Variants in MIB2 observed in about 807,000 individuals in gnomAD.
MIB2 encodes the protein MIB E3 ubiquitin protein ligase 2.
A neutral mutation model predicts 96.6 loss-of-function variants in MIB2; 78 were observed. That is an observed-to-expected ratio of 0.81 (90% confidence interval 0.67 to 0.97). MIB2 has a LOEUF of 0.97. Among genes scored for constraint, MIB2 ranks in the 50% least tolerant of loss-of-function variants. The pLI is 0.00. For synonymous variants in MIB2, 820 were observed against 629.5 expected (o/e 1.30, Z -4.53); for missense variants, 1,543 against 1,424.0 (o/e 1.08, Z -1.35).
intron 12 of MIB2, 97 bp downstream of exon 12, chr1:1,627,541 C>T: frequency 6.8e-7 from 1 of 1,478,448 alleles, no homozygotes; most frequent in African/African-American, 1.4e-5. Context: ...GCCTGTGCGT[C>T]CTGGGGTGAG....
At chr1:1,623,078 A>T (rs531115376) in intron 2 of MIB2, 2 of 414,294 alleles carry the variant, frequency 4.8e-6, no homozygotes, top group East Asian at 9.0e-5. Context: ...AGTGAAGTCC[A>T]GTGTCCAGCT....
At chr1:1,615,283 TC>T (rs1414340124), upstream of MIB2, 1 of 1,309,872 alleles carries the variant, frequency 7.6e-7, no homozygotes, top group South Asian at 1.7e-5. Context: ...GCGACGTCGC[TC>T]CCAAGCCCCC....
rs772788906 is a variant in MIB2 at position 1,627,410 on chromosome 1, G to T, written c.1489G>T (p.Glu497Ter). ...GGCGGGCGTGGACCTGCCGGACGAC[G>T]AGGGCAACACGGCACTGCACTACGC... Reference protein sequence around the residue: ...ARAGVDLPDDEGNTALHYAAL... With the variant: ...ARAGVDLPDD The change falls in exon 12 of 20, where the codon GAG (glutamate) becomes TAG (stop). Residue 497 changes from glutamate to a stop codon, truncating the protein, a stop_gained. Coordinates refer to ENST00000355826, the MANE Select transcript of MIB2 (RefSeq NM_001170687.4). LOFTEE classifies it high-confidence loss of function. 1.2e-6 allele frequency: 2 copies of T among 1,612,856 alleles called. No homozygotes were observed. Among genetic ancestry groups the T allele is most frequent in the Non-Finnish European group, 1.7e-6 (2 of 1,179,900 alleles).
At chr1:1,623,741 G>T (rs768112651) in intron 3 of MIB2, 33 bp from the exon 4 acceptor site, 2 of 1,542,848 alleles carry the variant, frequency 1.3e-6, no homozygotes, top group Admixed American at 3.8e-5. Context: ...ACCCGGGGGC[G>T]GGAACGCCCC....
chr1:1,628,483 C>T lies in MIB2; in HGVS notation c.1969-6C>T. 1 of 1,596,216 alleles carries T rather than the reference C, an allele frequency of 6.3e-7. No homozygotes were observed. Among genetic ancestry groups the T allele is most frequent in the Non-Finnish European group, 8.5e-7 (1 of 1,175,196 alleles). On this transcript the variant is annotated splice_region_variant and splice_polypyrimidine_tract_variant and intron_variant, in intron 15 of 19. Transcript: ENST00000355826. Reference sequence around the variant, plus strand: ...CTGGGCTGAGCCCGTCCCCACCCCTCCCCAGGGCCGCTGTGACGTGAACGT... The same window carrying T: ...CTGGGCTGAGCCCGTCCCCACCCCTTCCCAGGGCCGCTGTGACGTGAACGT...
intron 2 of MIB2, among the ~76,000 whole-genome samples, chr1:1,620,970 C>T (rs1222741854): frequency 6.6e-6 from 1 of 152,252 alleles, no homozygotes; most frequent in Non-Finnish European, 1.5e-5. Flanking sequence ...CCTGGACATG[C>T]TCTGGGTGAG....
chr1:1,614,370 C>T (rs74735770), upstream of MIB2: 109 of 152,378 alleles, frequency 7.2e-4, no homozygotes, highest in African/African-American at 2.5e-3. Flanking sequence ...AGATAAGCAG[C>T]TTGCACAAGG....
intron 2 of MIB2, among the ~76,000 whole-genome samples, chr1:1,622,274 C>G (rs549244832): frequency 1.3e-5 from 2 of 152,258 alleles, no homozygotes; most frequent in Non-Finnish European, 2.9e-5. Flanking sequence ...CCCTCCCCGC[C>G]AGGCTGGAGT....
chr1:1,628,423 C>G (rs757025184), intron 15 of MIB2, 24 bp downstream of exon 15: 1 of 1,606,602 alleles, frequency 6.2e-7, no homozygotes, highest in East Asian at 2.2e-5. Context: ...CCAGTCCTGC[C>G]CAAGGACCGG....
intron 4 of MIB2, 113 bp downstream of exon 4, chr1:1,624,058 A>C: frequency 7.8e-7 from 1 of 1,290,260 alleles, no homozygotes; most frequent in South Asian, 1.5e-5. Flanking sequence ...AGACGGAGCA[A>C]GTCTCTCCAG....
chr1:1,625,082 T>C lies in MIB2; in HGVS notation c.618T>C (p.Gly206=). Residue 206 remains glycine, a synonymous_variant, in exon 6 of 20, where the codon GGT becomes GGC. Transcript: ENST00000355826. The surrounding 1 kb of genome is among the most constrained non-coding windows in gnomAD (Gnocchi z 5.0). ...RSVASVTWAD[G]TTNVYRVGHK... is the part of the protein sequence containing the mutation. ...TGGCCAGCGTGACGTGGGCTGATGG[T>C]ACCACCAATGTGTACCGTGTGGGCC... is the stretch of plus-strand genomic sequence containing the variant. 6.2e-7 allele frequency: 1 copy of C among 1,613,292 alleles called. No homozygotes were observed. Among genetic ancestry groups the C allele is most frequent in the South Asian group, 1.1e-5 (1 of 91,084 alleles).
At position 1,626,525 on chromosome 1, in the gene MIB2, G is replaced by T. The variant is rs1644779526; in HGVS notation, c.973-125G>T. On this transcript the variant is annotated intron_variant, in intron 8 of 19. Coordinates refer to ENST00000355826, the MANE Select transcript of MIB2 (RefSeq NM_001170687.4). The surrounding 1 kb of genome is among the most constrained non-coding windows in gnomAD (Gnocchi z 5.3). ...AGCCTCTGGCAGTGCCTGGGGTCGG[G>T]GTCGGGGCCGGGGCCGAGTCAGGCC... is the stretch of plus-strand genomic sequence containing the variant. 1.3e-6 allele frequency: 1 copy of T among 791,238 alleles called. No individual in the cohort carries two copies. Among genetic ancestry groups the T allele is most frequent in the African/African-American group, 1.7e-5 (1 of 57,450 alleles). 49.0% of individuals were successfully genotyped at this position (791,238 alleles called of 1,614,324 possible).
At position 1,629,113 on chromosome 1, in the gene MIB2, G is replaced by A; in HGVS notation, c.2203-20G>A. ...CCTGCCCCGGCGCCCGCCCTCACCG[G>A]CGTCTGTCCTGCCGCCCAGCTACAG... On this transcript the variant is annotated intron_variant, in intron 16 of 19. Coordinates refer to ENST00000355826, the MANE Select transcript of MIB2 (RefSeq NM_001170687.4). 6.9e-7 allele frequency: 1 copy of A among 1,442,610 alleles called. No homozygotes were observed. Among genetic ancestry groups the A allele is most frequent in the Non-Finnish European group, 9.0e-7 (1 of 1,109,362 alleles). The allele number at this position is 1,442,610 out of a possible 1,614,324, so 89.4% of individuals were successfully genotyped here.
intron 2 of MIB2, among the ~76,000 whole-genome samples, chr1:1,619,455 G>C (rs979133909): frequency 2.0e-5 from 3 of 152,254 alleles, no homozygotes; most frequent in Non-Finnish European, 4.4e-5. Flanking sequence ...CATGTGGTCT[G>C]TCTGCACACT....
intron 2 of MIB2, among the ~76,000 whole-genome samples, chr1:1,621,602 C>T (rs549012069): frequency 7.9e-5 from 12 of 152,358 alleles, no homozygotes; most frequent in African/African-American, 1.2e-4. Flanking sequence ...AAGCAGAGCC[C>T]GGCTGCTGGG....
intron 2 of MIB2, among the ~76,000 whole-genome samples, chr1:1,622,209 T>C (rs1384802532): frequency 6.6e-6 from 1 of 152,226 alleles, no homozygotes; most frequent in African/African-American, 2.4e-5. Context: ...CTGGGCTGCC[T>C]CCTTCCCTGG....
intron 2 of MIB2, among the ~76,000 whole-genome samples, chr1:1,620,607 C>G (rs1203775456): frequency 1.3e-5 from 2 of 152,388 alleles, no homozygotes; most frequent in Non-Finnish European, 2.9e-5. Flanking sequence ...ACTTGTCCCC[C>G]CGCCAGCAGA....
In MIB2 at chr1:1,627,697, G is replaced by T. The variant is rs374318782; in HGVS notation, c.1548G>T (p.Val516=). ...GGAACCAGCCCGAGGCCACCAGGGT[G>T]CTCCTGAGTGCTGGGTGCCGGGCGG... The part of the protein sequence containing the change: ...ALGNQPEATR[V]LLSAGCRADA... Residue 516 remains valine (V), a synonymous_variant, in exon 13 of 20, where the codon GTG becomes GTT. Coordinates refer to ENST00000355826, the MANE Select transcript of MIB2 (RefSeq NM_001170687.4). 8 of 1,594,850 alleles carry T rather than the reference G, an allele frequency of 5.0e-6. No individual in the cohort carries two copies. The highest frequency in any genetic ancestry group is 6.8e-6 in the Non-Finnish European group (8 of 1,178,424).
rs369247456 is a variant in MIB2, at chr1:1,626,971, C to T, written c.1212C>T (p.Asp404=). 5.1e-5 allele frequency: 82 copies of T among 1,611,556 alleles called. No individual in the cohort carries two copies. The African/African-American group carries it at 9.1e-4, about 18-fold the overall frequency. Residue 404 remains aspartate, a synonymous_variant, in exon 10 of 20, where the codon GAC becomes GAT. Coordinates refer to ENST00000355826, the MANE Select transcript of MIB2 (RefSeq NM_001170687.4). This position sits in a 1 kb window ranked among gnomAD's most constrained non-coding sequence, Gnocchi z 5.3. ...GGCCCGAGGAGGATGCCAACCTGGA[C>T]GTGGCCGAGCGCGCCCGGGAGAACA... ...AYRPEEDANL[D]VAERARENKS...
Sources: gnomAD v4.1 joint callset for allele counts (sites outside exome capture counted in the v4.1 genomes callset) on GRCh38, gnomAD v4.1.1 for gene constraint, Gnocchi (gnomAD v3.1) non-coding constraint, MANE v1.5 for transcripts, NCBI Gene and HGNC (gene_info 2026-07-23, HGNC 2026-07-21) for gene names.